AGMO: variants seen among roughly 807,000 people sequenced by gnomAD.
AGMO encodes alkylglycerol monooxygenase, also known as glyceryl-ether monooxygenase.
AGMO carries 75 observed loss-of-function variants against 60.2 expected under a neutral mutation model. The ratio of observed to expected loss-of-function variants is 1.25; its 90% CI spans 1.03 to 1.51. AGMO has a LOEUF of 1.51. AGMO is among the 40% of genes most tolerant of loss of function. The pLI is 0.00. For missense variants in AGMO, 763 were observed against 525.5 expected, an observed-to-expected ratio of 1.45 and a Z score of -4.42; for synonymous variants, 261 against 177.1, an observed-to-expected ratio of 1.47 and a Z score of -3.76.
chr7:15,407,584 G>A (rs907174763), intron 5 of AGMO, among the ~76,000 whole-genome samples: 1 of 151,664 alleles, frequency 6.6e-6, no homozygotes, highest in Non-Finnish European at 1.5e-5. Flanking sequence ...CTAAGAATAT[G>A]TTAAGTAAGG....
At chr7:15,191,009 C>A in the AGMO span, among the ~76,000 whole-genome samples, 1 of 151,990 alleles carries the variant, frequency 6.6e-6, no homozygotes, top group Non-Finnish European at 1.5e-5. Flanking sequence ...GTTTCTGCAA[C>A]CAAGCAAAAT....
At chr7:15,365,437 G>C in intron 12 of AGMO, 77 bp downstream of exon 12, 2 of 761,934 alleles carry the variant, frequency 2.6e-6, no homozygotes, top group South Asian at 3.9e-5. Context: ...ATGAAGTAGA[G>C]AAAACATCCT....
At chr7:15,331,485 A>G in intron 12 of AGMO, among the ~76,000 whole-genome samples, 1 of 152,170 alleles carries the variant, frequency 6.6e-6, no homozygotes, top group Non-Finnish European at 1.5e-5. Context: ...CAAGTGCTTA[A>G]AATTCAGGGA....
At chr7:15,439,640 C>T (rs753583098) in intron 3 of AGMO, among the ~76,000 whole-genome samples, 1 of 152,192 alleles carries the variant, frequency 6.6e-6, no homozygotes. Flanking sequence ...TGGCCTTACA[C>T]CCTTGTTCTT....
intron 3 of AGMO, among the ~76,000 whole-genome samples, chr7:15,435,887 T>C (rs1002131294): frequency 2.0e-5 from 3 of 152,220 alleles, no homozygotes; most frequent in African/African-American, 4.8e-5. Context: ...CTCTCCTATC[T>C]TGTCATCTAT....
chr7:15,521,217 C>T (rs762634473), intron 3 of AGMO, among the ~76,000 whole-genome samples: 31 of 152,038 alleles, frequency 2.0e-4, no homozygotes, highest in African/African-American at 5.3e-4. Context: ...GCCTACCAAC[C>T]GCAAAAAGGC....
At chr7:15,365,666 T>C (rs1170216125) in intron 11 of AGMO, 47 bp from the exon 12 acceptor site, 4 of 1,263,760 alleles carry the variant, frequency 3.2e-6, no homozygotes, top group Non-Finnish European at 4.6e-6. Context: ...ATATGCTCTT[T>C]ATATGTTCAC....
chr7:15,191,973 T>TCACACA, the AGMO span, among the ~76,000 whole-genome samples: 2 of 144,744 alleles, frequency 1.4e-5, no homozygotes, highest in Non-Finnish European at 3.0e-5. Flanking sequence ...TGTCTCTCTC[T>TCACACA]CACACACACA....
At chr7:15,448,295 C>G (rs183270294) in intron 3 of AGMO, among the ~76,000 whole-genome samples, 1 of 152,110 alleles carries the variant, frequency 6.6e-6, no homozygotes, top group African/African-American at 2.4e-5. Flanking sequence ...GATTAGTGCC[C>G]TTCTAAAAGA....
chr7:15,507,285 C>A (rs1318520886), intron 3 of AGMO, among the ~76,000 whole-genome samples: 3 of 151,942 alleles, frequency 2.0e-5, no homozygotes, highest in African/African-American at 7.2e-5. Context: ...GGATGGGTAG[C>A]ATGAATATCA....
the AGMO span, among the ~76,000 whole-genome samples, chr7:15,176,023 G>A: frequency 9.2e-5 from 14 of 152,036 alleles, no homozygotes; most frequent in African/African-American, 1.7e-4. Flanking sequence ...AAAGAGTAGC[G>A]ATGTAATGTT....
intron 12 of AGMO, among the ~76,000 whole-genome samples, chr7:15,338,467 CTTAT>C (rs1014146237): frequency 1.2e-4 from 18 of 151,890 alleles, no homozygotes; most frequent in South Asian, 2.1e-4. Flanking sequence ...ATGCTCTGAT[CTTAT>C]TTAATTTAAA....
intron 10 of AGMO, among the ~76,000 whole-genome samples, chr7:15,372,022 G>C (rs1190209175): frequency 6.6e-6 from 1 of 152,030 alleles, no homozygotes; most frequent in African/African-American, 2.4e-5. Context: ...AAAAGAAACT[G>C]AGAATATTGA....
At position 15,395,424 on chromosome 7, in the gene AGMO, G is replaced by A. The variant is rs573884492; in HGVS notation, c.610-1245C>T. On this transcript the variant is annotated intron_variant, in intron 5 of 12. Coordinates refer to ENST00000342526, the MANE Select transcript of AGMO (RefSeq NM_001004320.2). ...CGATTTGAACAAACCTAACATAAAA[G>A]ACATTTTATAGGCAAAAAACAAAAA... Among the ~76,000 whole-genome samples the A allele has an allele frequency of 1.6e-4, 24 of 152,042 alleles. No individual in the cohort carries two copies. In the East Asian group the frequency reaches 4.6e-3, roughly 29 times the overall value.
intron 12 of AGMO, among the ~76,000 whole-genome samples, chr7:15,208,735 G>A (rs974159150): frequency 3.9e-5 from 6 of 152,094 alleles, no homozygotes; most frequent in African/African-American, 1.4e-4. Context: ...TCATATTTCT[G>A]TAAATAAGTT....
chr7:15,409,633 C>G (rs919340824), intron 5 of AGMO, among the ~76,000 whole-genome samples: 4 of 151,836 alleles, frequency 2.6e-5, no homozygotes, highest in Non-Finnish European at 5.9e-5. Context: ...TCTTTACAAC[C>G]TGTAAAACTT....
intron 12 of AGMO, among the ~76,000 whole-genome samples, chr7:15,247,468 AGAGAGAGAGAGG>A (rs1307393111): frequency 9.3e-5 from 14 of 150,672 alleles, no homozygotes; most frequent in African/African-American, 3.4e-4. Flanking sequence ...ACAGAGAGAG[AGAGAGAGAGAGG>A]GAGAGAGAGG....
intron 12 of AGMO, among the ~76,000 whole-genome samples, chr7:15,322,575 AATATATATAAATATATAAAT>A (rs1563086358): frequency 4.8e-5 from 2 of 41,592 alleles, no homozygotes; most frequent in African/African-American, 1.3e-4. Context: ...AATATATATA[AATATATATAAATATATAAAT>A]ATATATAAAT....
At chr7:15,201,486 TA>T in intron 12 of AGMO, 127 bp from the exon 13 acceptor site, 1 of 633,096 alleles carries the variant, frequency 1.6e-6, no homozygotes, top group Non-Finnish European at 2.7e-6. Context: ...GTTATTAAAT[TA>T]AATCTAGCAA....
Sources: gnomAD v4.1 joint callset for allele counts (sites outside exome capture counted in the v4.1 genomes callset) on GRCh38, gnomAD v4.1.1 for gene constraint, MANE v1.5 for transcripts, NCBI Gene and HGNC (gene_info 2026-07-23, HGNC 2026-07-21) for gene names.